DVL1: variants seen among roughly 807,000 people sequenced by gnomAD.
DVL1 encodes dishevelled segment polarity protein 1.
In DVL1, 49 loss-of-function variants were observed where a neutral mutation model predicts 65.0. That is an observed-to-expected ratio of 0.75 (90% confidence interval 0.60 to 0.96). The LOEUF (loss-of-function observed/expected upper bound fraction) is 0.96, where lower values mean the gene tolerates loss of function less well. DVL1 is among the 40% of genes least tolerant of loss of function. The probability of loss-of-function intolerance (pLI) is 0.00; values close to 1 mark genes in which losing one functional copy is unlikely to be tolerated. For missense variants in DVL1, 1,197 were observed against 1,045.4 expected (o/e 1.15, Z -2.00); for synonymous variants, 608 against 433.9 (o/e 1.40, Z -4.99).
In DVL1 at chr1:1,336,429, C is replaced by G. The variant is rs1334247418; in HGVS notation, c.1801G>C (p.Gly601Arg). 1 of 1,592,518 alleles carries G rather than the reference C, an allele frequency of 6.3e-7. No individual in the cohort carries two copies. Residue 601 changes from glycine to arginine, a missense_variant, in exon 15 of 15, where the codon GGC becomes CGC. Gly to Arg is a moderately radical substitution (Grantham distance 125). Coordinates refer to ENST00000378888, the MANE Select transcript of DVL1 (RefSeq NM_001330311.2). ...ERRAAGAGGS[G>R]SESDHTAPSG... ...GGTGCCGTGTGATCCGATTCACTGC[C>G]ACTGCCCCCAGCTCCCGCCGCCCGA... is the stretch of plus-strand genomic sequence containing the variant.
intron 13 of DVL1, 35 bp downstream of exon 13, chr1:1,338,234 T>TC (rs751395065): frequency 1.1e-3 from 472 of 448,980 alleles, no homozygotes; most frequent in Admixed American, 2.7e-3. Flanking sequence ...GGCGTTCCCC[T>TC]CCCCCCCGCC....
At position 1,336,221 on chromosome 1, in the gene DVL1, G is replaced by T; in HGVS notation, c.2009C>A (p.Pro670His). ...CTGGCGGCTGCCTGTCAATTCCGGGGGGACGGCAGCCAGCTCCCGGACAGG... is the reference window on the plus strand; with the variant it reads ...CTGGCGGCTGCCTGTCAATTCCGGGTGGACGGCAGCCAGCTCCCGGACAGG... ...GPPVRELAAVPPELTGSRQSF... is the reference protein window; with the variant it reads ...GPPVRELAAVHPELTGSRQSF... Residue 670 changes from proline to histidine, a missense_variant, in exon 15 of 15, where the codon CCC becomes CAC. Transcript: ENST00000378888. The T allele has an allele frequency of 6.4e-7, 1 of 1,559,244 alleles. No homozygotes were observed. Among genetic ancestry groups the T allele is most frequent in the Non-Finnish European group, 8.6e-7 (1 of 1,157,714 alleles).
intron 2 of DVL1, 95 bp from the exon 3 acceptor site, chr1:1,342,579 T>G: frequency 6.4e-7 from 1 of 1,574,658 alleles, no homozygotes; most frequent in South Asian, 1.1e-5. Context: ...AGCTGCCCTA[T>G]CCGCACCCAG....
Position 1,339,446 on chromosome 1 carries a change from G to C in DVL1, c.1055-7C>G, listed in dbSNP as rs760210745. ...ATGGGCCGCACCGGGTCAGCTGGGT[G>C]GCCGCCACGTGGCGATGACAGGCGG... On this transcript the variant is annotated splice_region_variant and splice_polypyrimidine_tract_variant and intron_variant, in intron 10 of 14. Coordinates refer to ENST00000378888, the MANE Select transcript of DVL1 (RefSeq NM_001330311.2). 4 of 1,547,264 alleles carry C rather than the reference G, an allele frequency of 2.6e-6. No individual in the cohort carries two copies. In the South Asian group the frequency reaches 4.8e-5, roughly 18 times the overall value.
At chr1:1,337,239 C>T (rs897249742) in intron 14 of DVL1, among the ~76,000 whole-genome samples, 11 of 152,128 alleles carry the variant, frequency 7.2e-5, no homozygotes, top group South Asian at 2.1e-4. Context: ...ACCCTCTGGC[C>T]GCCTCTCCTC....
intron 1 of DVL1, among the ~76,000 whole-genome samples, chr1:1,347,007 G>T (rs544761956): frequency 6.6e-6 from 1 of 152,200 alleles, no homozygotes; most frequent in Non-Finnish European, 1.5e-5. Context: ...AGAACTCAGG[G>T]GAAGGGATGA....
chr1:1,339,410 C>T lies in DVL1; in HGVS notation c.1084G>A (p.Ala362Thr), dbSNP rs368914563. 3.8e-5 allele frequency: 55 copies of T among 1,444,870 alleles called. No homozygotes were observed. In the African/African-American group the frequency reaches 6.9e-4, roughly 18 times the overall value. The allele number at this position is 1,444,870 out of a possible 1,614,324, so 89.5% of individuals were successfully genotyped here. ...AGTGCCGCCGTGTGGGACAGCCAGG[C>T]GGCGGGGTCGATGGGCCGCACCGGG... ...ADPVRPIDPA[A>T]WLSHTAALTG... The change falls in exon 11 of 15, where the codon GCC becomes ACC. Residue 362 changes from alanine to threonine, a missense_variant. Transcript: ENST00000378888.
rs201306306 is a variant in DVL1 at position 1,341,540 on chromosome 1, GCA to G, written c.605+125_605+126del. 0.012 allele frequency: 14,084 copies of G among 1,219,976 alleles called. 1,153 individuals carry two copies. In the African/African-American group the frequency reaches 0.19, roughly 16 times the overall value. 75.6% of individuals were successfully genotyped at this position (1,219,976 alleles called of 1,614,324 possible). A position where few individuals can be genotyped will look rare whatever the true frequency, so the allele number is the denominator to read the frequency against. On this transcript the variant is annotated intron_variant, in intron 5 of 14. Transcript: ENST00000378888. ...GCATCATGTACACAGACATTTGCAGGCACACACATGCACACACACGCACACAC... is the reference window on the plus strand; with the variant it reads ...GCATCATGTACACAGACATTTGCAGGCACACATGCACACACACGCACACAC...
At position 1,336,534 on chromosome 1, in the gene DVL1, TG is replaced by T. The variant is rs755656513; in HGVS notation, c.1715-20del. 2.5e-5 allele frequency: 38 copies of T among 1,493,192 alleles called. No individual in the cohort carries two copies. Among genetic ancestry groups the T allele is most frequent in the Non-Finnish European group, 3.3e-5 (37 of 1,131,400 alleles). 92.5% of individuals were successfully genotyped at this position (1,493,192 alleles called of 1,614,324 possible). A position where few individuals can be genotyped will look rare whatever the true frequency, so the allele number is the denominator to read the frequency against. Reference sequence around the variant, plus strand: ...TTGCTCCCTGGGAGTGAGAACAGGATGGGGAAGGAGCCTGTCAGCACCAGGC... The same window carrying T: ...TTGCTCCCTGGGAGTGAGAACAGGATGGGAAGGAGCCTGTCAGCACCAGGC... On this transcript the variant is annotated intron_variant, in intron 14 of 14. Coordinates refer to ENST00000378888, the MANE Select transcript of DVL1 (RefSeq NM_001330311.2).
chr1:1,336,825 G>A (rs527600429), intron 14 of DVL1, among the ~76,000 whole-genome samples: 55 of 152,270 alleles, frequency 3.6e-4, no homozygotes, highest in Admixed American at 2.0e-3. Context: ...TGCCAGCGAG[G>A]GCCCCTCATG....
In DVL1 at chr1:1,335,403, G is replaced by C. The variant is rs1643536972; in HGVS notation, c.*739C>G. On this transcript the variant is annotated 3_prime_UTR_variant, in exon 15 of 15. Coordinates refer to ENST00000378888, the MANE Select transcript of DVL1 (RefSeq NM_001330311.2). ...CTACAGCACAGACACGTGGGGGCCA[G>C]AGAAGCCAGGAAGGCCGCGATGTGT... 6.6e-6 allele frequency: 1 copy of C among 152,414 alleles called. No individual in the cohort carries two copies. The highest frequency in any genetic ancestry group is 6.5e-5 in the Admixed American group (1 of 15,298). The allele number at this position is 152,414 out of a possible 1,614,324, so 9.4% of individuals were successfully genotyped here.
Position 1,338,673 on chromosome 1 carries a change from C to T in DVL1, c.1208-20G>A. Reference sequence around the variant, plus strand: ...CCAGCTCTGCAAAGCACAGACAGCCCCGCTTCAGCCCCAGCATCTGAAGGC... The same window carrying T: ...CCAGCTCTGCAAAGCACAGACAGCCTCGCTTCAGCCCCAGCATCTGAAGGC... On this transcript the variant is annotated intron_variant, in intron 11 of 14. Coordinates refer to ENST00000378888, the MANE Select transcript of DVL1 (RefSeq NM_001330311.2). 6.2e-7 allele frequency: 1 copy of T among 1,602,282 alleles called. No individual in the cohort carries two copies. Among genetic ancestry groups the T allele is most frequent in the Non-Finnish European group, 8.5e-7 (1 of 1,176,638 alleles).
rs372568186 is a variant in DVL1 at position 1,340,068 on chromosome 1, G to A, written c.879C>T (p.Gly293=). 6.2e-7 allele frequency: 1 copy of A among 1,612,872 alleles called. No homozygotes were observed. The highest frequency in any genetic ancestry group is 1.7e-5 in the Admixed American group (1 of 59,996). Residue 293 remains glycine (G), a synonymous_variant, in exon 8 of 15, where the codon GGC becomes GGT. Transcript: ENST00000378888. ...GCAACATGTCGCCGGGCTCGATGCG[G>A]CCGTCAGCGGCCACAGCCCCGCCCT... The part of the protein sequence containing the change: ...IMKGGAVAAD[G]RIEPGDMLLQ...
chr1:1,340,656 A>G, intron 5 of DVL1, 153 bp from the exon 6 acceptor site: 1 of 290,562 alleles, frequency 3.4e-6, no homozygotes, highest in Non-Finnish European at 5.1e-6. Context: ...GGCCCTGCAC[A>G]CGTGATATGC....
intron 1 of DVL1, among the ~76,000 whole-genome samples, chr1:1,345,298 G>C (rs931289414): frequency 6.6e-6 from 1 of 152,214 alleles, no homozygotes; most frequent in Middle Eastern, 3.2e-3. Flanking sequence ...CCCAGTGGCA[G>C]GGTGCAGACC....
chr1:1,338,261 C>T lies in DVL1; in HGVS notation c.1507+8G>A, dbSNP rs777603609. On this transcript the variant is annotated splice_region_variant and intron_variant, in intron 13 of 14. Transcript: ENST00000378888. ...CCCCCCGCCCTGAAGCCCGAAGCCC[C>T]CACTCACTGCTGCAGAGATCCCCGA... is the stretch of plus-strand genomic sequence containing the variant. 2 of 1,605,398 alleles carry T rather than the reference C, an allele frequency of 1.2e-6. No individual in the cohort carries two copies. Among genetic ancestry groups the T allele is most frequent in the Non-Finnish European group, 1.7e-6 (2 of 1,174,742 alleles).
At chr1:1,342,556 C>G (rs1218147406) in intron 2 of DVL1, 72 bp from the exon 3 acceptor site, 29 of 1,578,634 alleles carry the variant, frequency 1.8e-5, no homozygotes, top group Non-Finnish European at 2.5e-5. Flanking sequence ...ACCCAGGGAA[C>G]AGGGGGCCAG....
intron 7 of DVL1, 22 bp from the exon 8 acceptor site, chr1:1,340,199 G>A (rs373036823): frequency 1.7e-5 from 27 of 1,613,638 alleles, no homozygotes; most frequent in Admixed American, 6.7e-5. Flanking sequence ...GCCATGAGCC[G>A]CGGCCAAGCC....
intron 1 of DVL1, among the ~76,000 whole-genome samples, chr1:1,348,419 C>A (rs1643953793): frequency 6.6e-6 from 1 of 152,014 alleles, no homozygotes; most frequent in Non-Finnish European, 1.5e-5. Flanking sequence ...AAGGACCCTG[C>A]AGAAGGGGGC....
Sources: allele counts gnomAD v4.1 joint callset (sites outside exome capture counted in the v4.1 genomes callset), GRCh38; gene constraint gnomAD v4.1.1; transcripts MANE v1.5; gene names NCBI Gene and HGNC (gene_info 2026-07-23, HGNC 2026-07-21).